PHACTR1: variants seen among roughly 807,000 people sequenced by gnomAD.
PHACTR1 encodes the protein RPEL repeat containing 1.
PHACTR1 carries 16 observed loss-of-function variants against 69.2 expected under a neutral mutation model. That is an observed-to-expected ratio of 0.23 (90% CI 0.16 to 0.35). The LOEUF is 0.35. Ranked by LOEUF, PHACTR1 falls within the 10% of genes least tolerant of loss-of-function variation. PHACTR1 has a pLI of 1.00. For missense variants in PHACTR1, 510 were observed against 734.7 expected (o/e 0.69, Z 3.54); for synonymous variants, 312 against 284.5 (o/e 1.10, Z -0.97).
chr6:13,060,459 T>C (rs1807503686), intron 5 of PHACTR1, among the ~76,000 whole-genome samples: 1 of 151,986 alleles, frequency 6.6e-6, no homozygotes, highest in Non-Finnish European at 1.5e-5. Flanking sequence ...GAGAGATCAA[T>C]AGGAAAAGCA....
At chr6:12,768,370 T>C (rs928455029) in intron 4 of PHACTR1, among the ~76,000 whole-genome samples, 3 of 152,158 alleles carry the variant, frequency 2.0e-5, no homozygotes, top group Non-Finnish European at 4.4e-5. Flanking sequence ...CTCCTCGGCC[T>C]CCCAAAGTGC....
At chr6:13,177,285 GTC>G (rs1302785744) in intron 6 of PHACTR1, among the ~76,000 whole-genome samples, 1 of 150,036 alleles carries the variant, frequency 6.7e-6, no homozygotes, top group Non-Finnish European at 1.5e-5. Flanking sequence ...AGGAGGTAAA[GTC>G]TGCACTCCAG....
chr6:12,796,197 G>GTGCCCT (rs1022367312), intron 4 of PHACTR1, among the ~76,000 whole-genome samples: 1 of 152,166 alleles, frequency 6.6e-6, no homozygotes, highest in African/African-American at 2.4e-5. Flanking sequence ...CAATATTTGA[G>GTGCCCT]TGCCCTTTGA....
chr6:13,228,868 G>C (rs1316867235), intron 9 of PHACTR1, among the ~76,000 whole-genome samples: 2 of 152,218 alleles, frequency 1.3e-5, no homozygotes, highest in African/African-American at 4.8e-5. Context: ...ACATTCTGAA[G>C]CTCATGTTCT....
intron 4 of PHACTR1, among the ~76,000 whole-genome samples, chr6:12,781,289 T>G (rs1435975483): frequency 1.3e-5 from 2 of 152,106 alleles, no homozygotes; most frequent in Admixed American, 6.5e-5. Flanking sequence ...TGTGATAACT[T>G]TACAGTACAG....
At chr6:13,152,520 C>T (rs560449579) in intron 5 of PHACTR1, among the ~76,000 whole-genome samples, 1 of 152,296 alleles carries the variant, frequency 6.6e-6, no homozygotes, top group South Asian at 2.1e-4. Flanking sequence ...ACTAGAACTA[C>T]TGTCACTGTT....
chr6:13,262,826 T>G (rs756362044), intron 10 of PHACTR1, among the ~76,000 whole-genome samples: 13 of 152,238 alleles, frequency 8.5e-5, no homozygotes, highest in Non-Finnish European at 1.5e-4. Flanking sequence ...CCTCTTTCCA[T>G]CTGTCTGAAA....
At chr6:13,166,933 G>T (rs1302370253) in intron 6 of PHACTR1, among the ~76,000 whole-genome samples, 3 of 152,148 alleles carry the variant, frequency 2.0e-5, no homozygotes, top group African/African-American at 7.2e-5. Flanking sequence ...GCTCAAACCT[G>T]TGTCATTCAA....
At chr6:12,966,509 C>T (rs58195960) in intron 4 of PHACTR1, among the ~76,000 whole-genome samples, 2,642 of 152,244 alleles carry the variant, frequency 0.017, 62 homozygotes, top group African/African-American at 0.06. Flanking sequence ...GGAAGAGAAG[C>T]ACTAATGTTA....
At chr6:13,099,279 TCTC>T (rs1241782635) in intron 5 of PHACTR1, among the ~76,000 whole-genome samples, 1 of 152,250 alleles carries the variant, frequency 6.6e-6, no homozygotes, top group East Asian at 1.9e-4. Context: ...CCATCATATG[TCTC>T]CTCTTCTGAT....
At chr6:12,966,040 T>A (rs1011289640) in intron 4 of PHACTR1, among the ~76,000 whole-genome samples, 1 of 151,996 alleles carries the variant, frequency 6.6e-6, no homozygotes, top group Non-Finnish European at 1.5e-5. Flanking sequence ...ATTGAGGGAG[T>A]AGAATCAATA....
At position 13,182,516 on chromosome 6, in the gene PHACTR1, C is replaced by G. The variant is rs770149143; in HGVS notation, c.497-3C>G. ...CTCTGCAATCTCCTTTTCTCTCTGA[C>G]AGATGGGGAACTCTCTATATCCAAT... On this transcript the variant is annotated splice_region_variant and splice_polypyrimidine_tract_variant and intron_variant, in intron 6 of 14. Transcript: ENST00000332995. 1 of 1,613,730 alleles carries G rather than the reference C, an allele frequency of 6.2e-7. No homozygotes were observed.
rs551330204 is a variant in PHACTR1 at position 13,224,728 on chromosome 6, G to A, written c.987-3088G>A. ...CCTCAAATAGTACAGTTCATGATGC[G>A]TTAACTGAATTTTCATTTGCATCAC... On this transcript the variant is annotated intron_variant, in intron 8 of 14. Coordinates refer to ENST00000332995, the MANE Select transcript of PHACTR1 (RefSeq NM_030948.6). Among the ~76,000 whole-genome samples the A allele has an allele frequency of 3.3e-5, 5 of 152,304 alleles. No individual in the cohort carries two copies. The South Asian group carries it at 1.0e-3, about 32-fold the overall frequency.
At chr6:12,937,305 G>A (rs1789563212) in intron 4 of PHACTR1, among the ~76,000 whole-genome samples, 1 of 151,906 alleles carries the variant, frequency 6.6e-6, no homozygotes, top group African/African-American at 2.4e-5. Flanking sequence ...GGCCCTTGAA[G>A]ATAATGCAGT....
chr6:12,889,301 A>T (rs900580079), intron 4 of PHACTR1, among the ~76,000 whole-genome samples: 3 of 152,186 alleles, frequency 2.0e-5, no homozygotes, highest in African/African-American at 7.2e-5. Flanking sequence ...AGTGGGATGG[A>T]GTACACTCTT....
At chr6:12,813,841 G>A (rs1306453047) in intron 4 of PHACTR1, among the ~76,000 whole-genome samples, 1 of 152,200 alleles carries the variant, frequency 6.6e-6, no homozygotes, top group Non-Finnish European at 1.5e-5. Flanking sequence ...TGGCCCACAG[G>A]CCAGCAGCAT....
chr6:13,220,613 A>G (rs1364111578), intron 8 of PHACTR1, among the ~76,000 whole-genome samples: 2 of 152,138 alleles, frequency 1.3e-5, no homozygotes, highest in Admixed American at 6.5e-5. Context: ...CACGGTACCA[A>G]TGTGCTCTTG....
chr6:12,779,641 C>T (rs1183479392), intron 4 of PHACTR1, among the ~76,000 whole-genome samples: 1 of 152,086 alleles, frequency 6.6e-6, no homozygotes. Context: ...TGTAATTGAC[C>T]AAGTAATCAA....
intron 4 of PHACTR1, among the ~76,000 whole-genome samples, chr6:12,806,214 G>A (rs1195747599): frequency 2.0e-5 from 3 of 152,130 alleles, no homozygotes; most frequent in East Asian, 1.9e-4. Context: ...ATTTTCAACC[G>A]CAGTGTCTAC....
Sources: gnomAD v4.1 joint callset for allele counts (sites outside exome capture counted in the v4.1 genomes callset) on GRCh38, gnomAD v4.1.1 for gene constraint, MANE v1.5 for transcripts, NCBI Gene and HGNC (gene_info 2026-07-23, HGNC 2026-07-21) for gene names.